Variants in HCN1 observed in about 807,000 individuals in gnomAD.
HCN1 encodes hyperpolarization activated cyclic nucleotide gated potassium channel 1.
A neutral mutation model predicts 78.9 loss-of-function variants in HCN1; 13 were observed. The ratio of observed to expected loss-of-function variants is 0.16; its 90% confidence interval spans 0.11 to 0.26. HCN1 has a LOEUF of 0.26. Ranked by LOEUF, HCN1 falls within the 10% of genes least tolerant of loss-of-function variation. The pLI, the probability that HCN1 is intolerant of heterozygous loss-of-function variation, is 1.00. For synonymous variants in HCN1, 552 were observed against 455.5 expected, an observed-to-expected ratio of 1.21 and a Z score of -2.70; for missense variants, 810 against 1,154.3, an observed-to-expected ratio of 0.70 and a Z score of 4.32.
chr5:45,448,033 A>C (rs1187316978), intron 3 of HCN1, among the ~76,000 whole-genome samples: 1 of 151,860 alleles, frequency 6.6e-6, no homozygotes, highest in Non-Finnish European at 1.5e-5. Context: ...ATATTATGGT[A>C]AATTCCAAAC....
At chr5:45,304,147 TA>T (rs1579794444) in intron 5 of HCN1, among the ~76,000 whole-genome samples, 1 of 152,142 alleles carries the variant, frequency 6.6e-6, no homozygotes, top group East Asian at 1.9e-4. Context: ...TATATGAAAC[TA>T]AAACTTCTAA....
At chr5:45,547,096 T>C (rs890075251) in intron 2 of HCN1, among the ~76,000 whole-genome samples, 1 of 151,982 alleles carries the variant, frequency 6.6e-6, no homozygotes, top group South Asian at 2.1e-4. Flanking sequence ...TACTAAAATA[T>C]TCTTATGACA....
chr5:45,696,100 A>C lies in HCN1; in HGVS notation c.-7T>G. The C allele has an allele frequency of 7.5e-7, 1 of 1,331,288 alleles. No individual in the cohort carries two copies. The highest frequency in any genetic ancestry group is 9.7e-7 in the Non-Finnish European group (1 of 1,029,066). 82.5% of individuals were successfully genotyped at this position (1,331,288 alleles called of 1,614,324 possible). On this transcript the variant is annotated 5_prime_UTR_variant, in exon 1 of 8. Coordinates refer to ENST00000303230, the MANE Select transcript of HCN1 (RefSeq NM_021072.4). ...GCTTGCCGCCTCCTTCCATGCCCGGAGGACGCGGCCGGCGACGGCGCGGGC... is the reference window on the plus strand; with the variant it reads ...GCTTGCCGCCTCCTTCCATGCCCGGCGGACGCGGCCGGCGACGGCGCGGGC...
At chr5:45,347,207 A>G (rs1177397230) in intron 5 of HCN1, among the ~76,000 whole-genome samples, 5 of 152,232 alleles carry the variant, frequency 3.3e-5, no homozygotes, top group Non-Finnish European at 5.9e-5. Flanking sequence ...TTTGTGGTTC[A>G]CGAAAATCTG....
At chr5:45,617,687 A>T (rs897466522) in intron 2 of HCN1, among the ~76,000 whole-genome samples, 9 of 152,060 alleles carry the variant, frequency 5.9e-5, no homozygotes, top group Non-Finnish European at 1.3e-4. Flanking sequence ...TCTAATTTGT[A>T]GTGTTTTGTG....
At chr5:45,561,281 C>A (rs2589177) in intron 2 of HCN1, among the ~76,000 whole-genome samples, 2 of 152,050 alleles carry the variant, frequency 1.3e-5, no homozygotes, top group East Asian at 3.9e-4. Context: ...AAAATAATTT[C>A]TATTCATTGA....
At chr5:45,576,853 A>C (rs2111912420) in intron 2 of HCN1, among the ~76,000 whole-genome samples, 1 of 152,020 alleles carries the variant, frequency 6.6e-6, no homozygotes, top group East Asian at 1.9e-4. Context: ...AATTCATCCC[A>C]ATTTCTCCAT....
At chr5:45,504,844 T>C (rs557673664) in intron 2 of HCN1, among the ~76,000 whole-genome samples, 6 of 152,340 alleles carry the variant, frequency 3.9e-5, no homozygotes, top group Non-Finnish European at 7.3e-5. Flanking sequence ...ATTTCTCTGA[T>C]GGCCAGTGAT....
At chr5:45,660,370 C>T (rs1350830911) in intron 1 of HCN1, among the ~76,000 whole-genome samples, 4 of 118,896 alleles carry the variant, frequency 3.4e-5, no homozygotes, top group Admixed American at 1.7e-4. Context: ...TAAAGACCAT[C>T]GAGACTAGGA....
intron 2 of HCN1, among the ~76,000 whole-genome samples, chr5:45,526,848 C>A (rs1005959413): frequency 1.3e-5 from 2 of 151,968 alleles, no homozygotes; most frequent in African/African-American, 4.8e-5. Context: ...CCATGCTCAG[C>A]CACAGAAGCT....
intron 2 of HCN1, among the ~76,000 whole-genome samples, chr5:45,573,672 T>A (rs998547138): frequency 2.0e-5 from 3 of 152,028 alleles, no homozygotes; most frequent in Non-Finnish European, 4.4e-5. Context: ...TCCCATTCAC[T>A]ATATACTTAA....
At chr5:45,371,851 A>G (rs1447298982) in intron 4 of HCN1, among the ~76,000 whole-genome samples, 3 of 128,232 alleles carry the variant, frequency 2.3e-5, no homozygotes, top group Non-Finnish European at 3.1e-5. Context: ...TATAAAATAT[A>G]TATAATATAC....
chr5:45,386,178 G>T (rs915227586), intron 4 of HCN1, among the ~76,000 whole-genome samples: 5 of 135,140 alleles, frequency 3.7e-5, no homozygotes, highest in African/African-American at 1.2e-4. Flanking sequence ...CTTGCTTATA[G>T]ATTTTTTTTT....
At chr5:45,673,107 C>A (rs1375916910) in intron 1 of HCN1, among the ~76,000 whole-genome samples, 1 of 151,338 alleles carries the variant, frequency 6.6e-6, no homozygotes, top group Non-Finnish European at 1.5e-5. Flanking sequence ...GATTATTTTT[C>A]TTCTTGATCA....
At chr5:45,392,440 A>T (rs13179496) in intron 4 of HCN1, among the ~76,000 whole-genome samples, 46,827 of 152,030 alleles carry the variant, frequency 0.31, 9,025 homozygotes, top group African/African-American at 0.53. Context: ...CATAAAATTG[A>T]ATCATTTTAT....
intron 6 of HCN1, among the ~76,000 whole-genome samples, chr5:45,283,530 C>G (rs1481119776): frequency 6.6e-6 from 1 of 151,984 alleles, no homozygotes; most frequent in African/African-American, 2.4e-5. Flanking sequence ...GGCCAACAAT[C>G]ATATGAAAAA....
chr5:45,412,697 C>A (rs1258377941), intron 3 of HCN1, among the ~76,000 whole-genome samples: 1 of 152,006 alleles, frequency 6.6e-6, no homozygotes, highest in East Asian at 1.9e-4. Context: ...AAATAGCCTC[C>A]TTCCATGGCC....
chr5:45,314,186 A>G (rs1449539339), intron 5 of HCN1, among the ~76,000 whole-genome samples: 2 of 152,216 alleles, frequency 1.3e-5, no homozygotes, highest in Non-Finnish European at 2.9e-5. Context: ...TCTACAAGCC[A>G]GAAGACAGTG....
intron 5 of HCN1, among the ~76,000 whole-genome samples, chr5:45,347,881 A>T (rs1197173410): frequency 6.6e-6 from 1 of 152,248 alleles, no homozygotes; most frequent in Non-Finnish European, 1.5e-5. Context: ...GACCAAATCT[A>T]CGTCTGATTG....
Sources: gnomAD v4.1 joint callset for allele counts (sites outside exome capture counted in the v4.1 genomes callset) on GRCh38, gnomAD v4.1.1 for gene constraint, MANE v1.5 for transcripts, NCBI Gene and HGNC (gene_info 2026-07-23, HGNC 2026-07-21) for gene names.